NOSIP: variants seen among roughly 807,000 people sequenced by gnomAD.
The protein encoded by NOSIP is nitric oxide synthase-interacting protein.
NOSIP carries 25 observed loss-of-function variants against 36.4 expected under a neutral mutation model. The observed-to-expected ratio is 0.69, with a 90% CI of 0.50 to 0.96. The LOEUF (loss-of-function observed/expected upper bound fraction) is 0.96. Among genes scored for constraint, NOSIP ranks in the 40% least tolerant of loss-of-function variants. The pLI is 0.00. For missense variants in NOSIP, 370 were observed against 429.0 expected, an observed-to-expected ratio of 0.86 and a Z score of 1.21; for synonymous variants, 187 against 179.2, an observed-to-expected ratio of 1.04 and a Z score of -0.35.
At chr19:49,575,883 G>C (rs2080545416) in intron 1 of NOSIP, among the ~76,000 whole-genome samples, 1 of 152,206 alleles carries the variant, frequency 6.6e-6, no homozygotes, top group African/African-American at 2.4e-5. Flanking sequence ...TGTAATCCCA[G>C]CACTTTGGGA....
intron 1 of NOSIP, among the ~76,000 whole-genome samples, chr19:49,562,515 G>C (rs1226602447): frequency 6.6e-6 from 1 of 152,082 alleles, no homozygotes; most frequent in Non-Finnish European, 1.5e-5. Context: ...GAAGCAAGAG[G>C]ACTGTTGAGC....
At chr19:49,571,555 C>T (rs1055972016) in intron 1 of NOSIP, among the ~76,000 whole-genome samples, 1 of 152,160 alleles carries the variant, frequency 6.6e-6, no homozygotes, top group Non-Finnish European at 1.5e-5. Context: ...CCTCACAGCA[C>T]AGGAAACAGG....
Position 49,556,755 on chromosome 19 carries a change from G to T in NOSIP, c.538-19C>A. On this transcript the variant is annotated intron_variant, in intron 6 of 8. Coordinates refer to ENST00000596358, the MANE Select transcript of NOSIP (RefSeq NM_001270960.2). ...TGCGGGACTGCAAGGGGCAGAGAGA[G>T]GCGGGCTCAGTAGGCAGGGCTGGCG... is the stretch of plus-strand genomic sequence containing the variant. 6.3e-7 allele frequency: 1 copy of T among 1,586,982 alleles called. No homozygotes were observed. The highest frequency in any genetic ancestry group is 8.6e-7 in the Non-Finnish European group (1 of 1,165,786).
chr19:49,560,323 G>A lies in NOSIP; in HGVS notation c.71-284C>T. 1.7e-6 allele frequency: 1 copy of A among 576,222 alleles called. No homozygotes were observed. The highest frequency in any genetic ancestry group is 3.1e-6 in the Non-Finnish European group (1 of 322,434). 35.7% of individuals were successfully genotyped at this position (576,222 alleles called of 1,614,324 possible). A position where few individuals can be genotyped will look rare whatever the true frequency, so the allele number is the denominator to read the frequency against. ...CCTCCACCCTTCTGACTGTGACCAA[G>A]CTCAAGTGCCTGTCCCTCTTTGGGC... is the stretch of plus-strand genomic sequence containing the variant. On this transcript the variant is annotated intron_variant, in intron 2 of 8. Transcript: ENST00000596358. The surrounding 1 kb of genome is among the most constrained non-coding windows in gnomAD (Gnocchi z 4.6).
chr19:49,558,694 G>A, intron 4 of NOSIP: 1 of 634,934 alleles, frequency 1.6e-6, no homozygotes, highest in South Asian at 1.8e-5. Context: ...AGGTGACTGG[G>A]GCAGATCCTG....
rs1384654979 is a variant in NOSIP at position 49,555,828 on chromosome 19, G to GGAGGTAGAGAGAAGGAC, written c.835-23_835-7dup. On this transcript the variant is annotated splice_region_variant and splice_polypyrimidine_tract_variant and intron_variant, in intron 8 of 8. Transcript: ENST00000596358. Reference sequence around the variant, plus strand: ...CCCGCGAAGCCGGTACCGCCCTGGGGGAGGTAGAGAGAAGGACGAGGTAGA... The same window carrying GGAGGTAGAGAGAAGGAC: ...CCCGCGAAGCCGGTACCGCCCTGGGGGAGGTAGAGAGAAGGACGAGGTAGAGAGAAGGACGAGGTAGA... The GGAGGTAGAGAGAAGGAC allele has an allele frequency of 5.6e-6, 9 of 1,612,890 alleles. No individual in the cohort carries two copies. The highest frequency in any genetic ancestry group is 2.7e-5 in the African/African-American group (2 of 74,880).
At chr19:49,575,772 G>A (rs1203926380) in intron 1 of NOSIP, among the ~76,000 whole-genome samples, 4 of 152,118 alleles carry the variant, frequency 2.6e-5, no homozygotes, top group Non-Finnish European at 4.4e-5. Context: ...ACTCTGACAC[G>A]GAATCACATA....
intron 1 of NOSIP, among the ~76,000 whole-genome samples, chr19:49,574,238 C>G (rs935064884): frequency 2.6e-5 from 4 of 152,128 alleles, no homozygotes; most frequent in African/African-American, 9.7e-5. Context: ...GACAAACCAG[C>G]CTCAGGGGGG....
intron 7 of NOSIP, 49 bp downstream of exon 7, chr19:49,556,500 C>T (rs1479429006): frequency 6.2e-7 from 1 of 1,608,162 alleles, no homozygotes; most frequent in African/African-American, 1.3e-5. Context: ...AGCCGGACCG[C>T]CCCGCAGGTT....
intron 1 of NOSIP, among the ~76,000 whole-genome samples, chr19:49,574,893 C>T (rs1470013086): frequency 3.8e-4 from 52 of 138,486 alleles, no homozygotes; most frequent in African/African-American, 1.3e-3. Flanking sequence ...GACGGAGTTT[C>T]GCTCTGTCAC....
At chr19:49,559,665 G>A (rs1372533924) in intron 3 of NOSIP, 8 of 486,504 alleles carry the variant, frequency 1.6e-5, no homozygotes, top group Non-Finnish European at 2.3e-5. Flanking sequence ...CATGGGAAGT[G>A]TCCAAAGGTG....
intron 1 of NOSIP, among the ~76,000 whole-genome samples, chr19:49,565,842 C>G (rs975330091): frequency 6.6e-6 from 1 of 152,092 alleles, no homozygotes; most frequent in African/African-American, 2.4e-5. Context: ...CATCAGCCCA[C>G]CAGGCACGTC....
At chr19:49,570,118 G>GAA in intron 1 of NOSIP, among the ~76,000 whole-genome samples, 1 of 151,986 alleles carries the variant, frequency 6.6e-6, no homozygotes, top group African/African-American at 2.4e-5. Flanking sequence ...AATAAAGAAA[G>GAA]AATAAAATAT....
At chr19:49,566,029 T>C (rs993327246) in intron 1 of NOSIP, among the ~76,000 whole-genome samples, 2 of 148,840 alleles carry the variant, frequency 1.3e-5, no homozygotes, top group Non-Finnish European at 3.0e-5. Flanking sequence ...TTCTTCTTCT[T>C]TTTTTTTTTT....
At chr19:49,555,927 T>G in intron 8 of NOSIP, 105 bp from the exon 9 acceptor site, 2 of 814,978 alleles carry the variant, frequency 2.5e-6, no homozygotes, top group Middle Eastern at 2.3e-4. Context: ...TGAAGCGGGT[T>G]GCTGGCTAAG....
At position 49,560,130 on chromosome 19, in the gene NOSIP, G is replaced by T. The variant is rs538769686; in HGVS notation, c.71-91C>A. 2.4e-6 allele frequency: 2 copies of T among 824,212 alleles called. No homozygotes were observed. Among genetic ancestry groups the T allele is most frequent in the South Asian group, 1.7e-5 (1 of 60,194 alleles). The allele number at this position is 824,212 out of a possible 1,614,324, so 51.1% of individuals were successfully genotyped here. On this transcript the variant is annotated intron_variant, in intron 2 of 8. Transcript: ENST00000596358. The surrounding 1 kb of genome is among the most constrained non-coding windows in gnomAD (Gnocchi z 4.6). ...CCCCAGAGAGAGGCACAGAGACAAC[G>T]CGGTGGTGGGGGTGGGGGACTCAGA...
intron 3 of NOSIP, 83 bp from the exon 4 acceptor site, chr19:49,559,061 G>T (rs1018530654): frequency 1.8e-6 from 2 of 1,095,082 alleles, no homozygotes; most frequent in African/African-American, 3.1e-5. Context: ...ATAGGCAGAA[G>T]TCATCATGAT....
rs762872976 is a variant in NOSIP at position 49,556,444 on chromosome 19, CG to C, written c.726-20del. 1 of 1,611,524 alleles carries C rather than the reference CG, an allele frequency of 6.2e-7. No homozygotes were observed. Among genetic ancestry groups the C allele is most frequent in the Non-Finnish European group, 8.5e-7 (1 of 1,178,600 alleles). On this transcript the variant is annotated intron_variant, in intron 7 of 8. Transcript: ENST00000596358. ...AGCCCCACTACGGTGAGGCCGAAGGCGGGAGACTCTGATCAGGGGCCTTCCT... is the reference window on the plus strand; with the variant it reads ...AGCCCCACTACGGTGAGGCCGAAGGCGGAGACTCTGATCAGGGGCCTTCCT...
At chr19:49,561,344 C>G (rs2080331801) in intron 1 of NOSIP, among the ~76,000 whole-genome samples, 1 of 152,154 alleles carries the variant, frequency 6.6e-6, no homozygotes, top group African/African-American at 2.4e-5. Flanking sequence ...GAGAAGACCC[C>G]AGAACCCTGG....
Sources: allele counts gnomAD v4.1 joint callset (sites outside exome capture counted in the v4.1 genomes callset), GRCh38; gene constraint gnomAD v4.1.1; non-coding constraint Gnocchi (gnomAD v3.1); transcripts MANE v1.5; gene names NCBI Gene and HGNC (gene_info 2026-07-23, HGNC 2026-07-21).